MRO: variants seen among roughly 807,000 people sequenced by gnomAD.
MRO encodes maestro, also known as protein maestro.
A neutral mutation model predicts 31.0 loss-of-function variants in MRO; 28 were observed. That is an observed-to-expected ratio of 0.90 (90% CI 0.67 to 1.24). The LOEUF is 1.24. Among genes scored for constraint, MRO ranks in the 50% most tolerant of loss-of-function variants. The pLI, the probability that MRO is intolerant of heterozygous loss-of-function variation, is 0.00. For synonymous variants in MRO, 108 were observed against 108.4 expected (o/e 1.00, Z 0.02); for missense variants, 332 against 289.2 (o/e 1.15, Z -1.07).
intron 2 of MRO, among the ~76,000 whole-genome samples, chr18:50,810,877 T>C (rs761011516): frequency 2.4e-4 from 37 of 152,312 alleles, no homozygotes; most frequent in Non-Finnish European, 1.0e-4. Flanking sequence ...CTTTAAGTTC[T>C]AGGGTACATG....
At chr18:50,821,113 A>G (rs1362457503), upstream of MRO, among the ~76,000 whole-genome samples, 3 of 152,212 alleles carry the variant, frequency 2.0e-5, no homozygotes, top group Non-Finnish European at 4.4e-5. Flanking sequence ...AGACTAGAAG[A>G]GACAGCAAGG....
upstream of MRO, among the ~76,000 whole-genome samples, chr18:50,824,910 A>G (rs560064440): frequency 2.0e-5 from 3 of 151,348 alleles, no homozygotes; most frequent in East Asian, 6.0e-4. Flanking sequence ...CCCTGTCTCC[A>G]CTAAAAATAC....
intron 2 of MRO, among the ~76,000 whole-genome samples, chr18:50,817,547 A>G (rs1915031758): frequency 7.7e-6 from 1 of 129,780 alleles, no homozygotes; most frequent in Non-Finnish European, 1.7e-5. Context: ...CTGCCCCAGA[A>G]TTATTGGATC....
intron 2 of MRO, among the ~76,000 whole-genome samples, chr18:50,818,731 A>C (rs8084960): frequency 0.14 from 20,908 of 152,206 alleles, 1,427 homozygotes; most frequent in Middle Eastern, 0.16. Flanking sequence ...AGATTGCTTA[A>C]AAATCCTTCC....
At chr18:50,808,750 C>T (rs569244658) in intron 3 of MRO, among the ~76,000 whole-genome samples, 2 of 151,868 alleles carry the variant, frequency 1.3e-5, no homozygotes, top group South Asian at 4.2e-4. Context: ...CCACCACACC[C>T]GGCCTCATTC....
In MRO at chr18:50,819,566, A is replaced by G. The variant is rs1361800318; in HGVS notation, c.-5+15T>C. ...CCCGCTGCATCTGGCTGCCCCGGCC[A>G]ACAGTGTCCCTTACCTGCGGCTCCT... On this transcript the variant is annotated intron_variant, in intron 2 of 7. Coordinates refer to ENST00000398439, the MANE Select transcript of MRO (RefSeq NM_031939.6). 2.6e-6 allele frequency: 4 copies of G among 1,551,390 alleles called. No homozygotes were observed. Among genetic ancestry groups the G allele is most frequent in the Non-Finnish European group, 3.5e-6 (4 of 1,146,894 alleles).
At chr18:50,816,179 G>A (rs565729855) in intron 2 of MRO, 1 of 152,822 alleles carries the variant, frequency 6.5e-6, no homozygotes, top group Non-Finnish European at 1.5e-5. Flanking sequence ...CGGAAGAAAC[G>A]ATGATACATA....
At chr18:50,821,114 GAC>G (rs1438422414), upstream of MRO, among the ~76,000 whole-genome samples, 1 of 152,216 alleles carries the variant, frequency 6.6e-6, no homozygotes, top group African/African-American at 2.4e-5. Context: ...GACTAGAAGA[GAC>G]AGCAAGGTCA....
intron 2 of MRO, among the ~76,000 whole-genome samples, chr18:50,816,573 T>C (rs190919098): frequency 6.6e-4 from 101 of 152,316 alleles, no homozygotes; most frequent in African/African-American, 2.3e-3. Context: ...ACGTTAGCTG[T>C]AAAGAAACAC....
chr18:50,801,470 A>C lies in MRO; in HGVS notation c.464T>G (p.Leu155Trp), dbSNP rs1913310941. 3.1e-6 allele frequency: 5 copies of C among 1,611,354 alleles called. No individual in the cohort carries two copies. The South Asian group carries it at 3.3e-5, about 11-fold the overall frequency. ...NDSLRYSAFV[L>W]FGQLAAFAGR... is the part of the protein sequence containing the mutation. ...GGCAAAGGCAGCCAATTGCCCAAAC[A>C]AAACAAAGGCCGAGTATCTCAGACT... The change falls in exon 6 of 8, where the codon TTG becomes TGG. Residue 155 changes from leucine (L) to tryptophan (W), a missense_variant. Transcript: ENST00000398439.
chr18:50,820,422 G>A (rs1247129522), upstream of MRO, among the ~76,000 whole-genome samples: 5 of 152,136 alleles, frequency 3.3e-5, no homozygotes, highest in Admixed American at 2.0e-4. Context: ...CTCCTTCCCT[G>A]ACTCTCCAAA....
At chr18:50,805,962 TC>T (rs1913877739) in intron 4 of MRO, among the ~76,000 whole-genome samples, 1 of 149,374 alleles carries the variant, frequency 6.7e-6, no homozygotes, top group Admixed American at 6.6e-5. Flanking sequence ...TAAGACTCTA[TC>T]TTTTTTTTTT....
In MRO at chr18:50,808,007, A is replaced by C. The variant is rs140636076; in HGVS notation, c.100-1157T>G. The stretch of plus-strand genomic sequence containing the variant: ...AGGCTGAGGCAGGGAGAATTGCTTG[A>C]ATCTGGGAGGCGAAAGTTGCAGTGA... On this transcript the variant is annotated intron_variant, in intron 3 of 7. Transcript: ENST00000398439. Among the ~76,000 whole-genome samples the C allele has an allele frequency of 3.6e-3, 544 of 152,312 alleles. 5 individuals are homozygous for C. The highest frequency in any genetic ancestry group is 0.012 in the African/African-American group (510 of 41,580).
chr18:50,819,755 C>T (rs1915223089), intron 1 of MRO, 53 bp from the exon 2 acceptor site: 37 of 1,547,368 alleles, frequency 2.4e-5, no homozygotes, highest in Non-Finnish European at 3.1e-5. Context: ...TCCAGGATAA[C>T]GGGTCGGCAC....
intron 2 of MRO, among the ~76,000 whole-genome samples, chr18:50,812,021 G>A (rs1020514581): frequency 3.3e-5 from 5 of 152,166 alleles, no homozygotes; most frequent in Admixed American, 2.0e-4. Flanking sequence ...GATTACAGGC[G>A]TTAGCCACCT....
At position 50,814,617 on chromosome 18, in the gene MRO, G is replaced by A. The variant is rs1914751303; in HGVS notation, c.-5+4964C>T. On this transcript the variant is annotated intron_variant, in intron 2 of 7. Coordinates refer to ENST00000398439, the MANE Select transcript of MRO (RefSeq NM_031939.6). ...CACATAAGGTTGATGGGCATATAGC[G>A]GAACCAAAGACAGCTGTCTCTAGAG... 2.3e-5 allele frequency: 5 copies of A among 213,240 alleles called. No homozygotes were observed. In the South Asian group the frequency reaches 3.4e-4, roughly 15 times the overall value. The allele number at this position is 213,240 out of a possible 1,614,324, so 13.2% of individuals were successfully genotyped here.
chr18:50,799,144 C>A lies in MRO; in HGVS notation c.*193G>T, dbSNP rs1184288436. 6 of 560,700 alleles carry A rather than the reference C, an allele frequency of 1.1e-5. No homozygotes were observed. The East Asian group carries it at 1.8e-4, about 17-fold the overall frequency. The allele number at this position is 560,700 out of a possible 1,614,324, so 34.7% of individuals were successfully genotyped here. On this transcript the variant is annotated 3_prime_UTR_variant, in exon 8 of 8. Transcript: ENST00000398439. ...AGGAAATGAAATAAGTGAAAGCAGTCTAGAATTTTACTTTAGATAAAATCA... is the reference window on the plus strand; with the variant it reads ...AGGAAATGAAATAAGTGAAAGCAGTATAGAATTTTACTTTAGATAAAATCA...
chr18:50,806,912 C>T, intron 3 of MRO, 62 bp from the exon 4 acceptor site: 1 of 1,495,656 alleles, frequency 6.7e-7, no homozygotes, highest in Non-Finnish European at 9.2e-7. Context: ...AATCCCAACC[C>T]CAATCTCTCC....
intron 3 of MRO, among the ~76,000 whole-genome samples, chr18:50,808,615 C>T (rs1395674188): frequency 2.0e-5 from 3 of 151,666 alleles, no homozygotes; most frequent in African/African-American, 4.8e-5. Flanking sequence ...TGCCACCATG[C>T]CCAGCTAATT....
Sources: gnomAD v4.1 joint callset for allele counts (sites outside exome capture counted in the v4.1 genomes callset) on GRCh38, gnomAD v4.1.1 for gene constraint, MANE v1.5 for transcripts, NCBI Gene and HGNC (gene_info 2026-07-23, HGNC 2026-07-21) for gene names.